UNC13C: variants seen among roughly 807,000 people sequenced by gnomAD.
UNC13C encodes protein unc-13 homolog C.
In UNC13C, 174 loss-of-function variants were observed where a neutral mutation model predicts 245.4. The observed-to-expected ratio is 0.71, with a 90% CI of 0.63 to 0.80. The LOEUF is 0.80. Ranked by LOEUF, UNC13C falls within the 30% of genes least tolerant of loss-of-function variation. The pLI, the probability that UNC13C is intolerant of heterozygous loss-of-function variation, is 0.00. For synonymous variants in UNC13C, 992 were observed against 895.1 expected, an observed-to-expected ratio of 1.11 and a Z score of -1.93; for missense variants, 2,829 against 2,602.9, an observed-to-expected ratio of 1.09 and a Z score of -1.89.
At chr15:54,412,142 G>T (rs2040428041) in intron 18 of UNC13C, among the ~76,000 whole-genome samples, 1 of 151,928 alleles carries the variant, frequency 6.6e-6, no homozygotes, top group Non-Finnish European at 1.5e-5. Context: ...GGAGGTGGAG[G>T]TTGCAGTGAG....
chr15:54,443,665 T>C (rs937147605), intron 19 of UNC13C, among the ~76,000 whole-genome samples: 1 of 152,108 alleles, frequency 6.6e-6, no homozygotes, highest in East Asian at 1.9e-4. Flanking sequence ...ATTGACCCAA[T>C]GATCATTCAG....
In UNC13C at chr15:54,015,522, C is replaced by T. The variant is rs1319469820; in HGVS notation, c.2619C>T (p.Asp873=). The change falls in exon 2 of 33, where the codon GAC becomes GAT. Residue 873 remains aspartate, a synonymous_variant. Coordinates refer to ENST00000260323, the MANE Select transcript of UNC13C (RefSeq NM_001080534.3). Reference sequence around the variant, plus strand: ...AAGATTATACTGAACCAGTGGCTGACAATGAAACAGATTATGTTGAAGTCA... The same window carrying T: ...AAGATTATACTGAACCAGTGGCTGATAATGAAACAGATTATGTTGAAGTCA... The part of the protein sequence containing the change: ...DEEDYTEPVA[D]NETDYVEVME... 1.2e-6 allele frequency: 2 copies of T among 1,612,854 alleles called. No homozygotes were observed. The highest frequency in any genetic ancestry group is 3.3e-5 in the Admixed American group (2 of 59,956).
intron 19 of UNC13C, among the ~76,000 whole-genome samples, chr15:54,465,110 G>A (rs1294364993): frequency 6.6e-6 from 1 of 151,918 alleles, no homozygotes. Context: ...GAATATGCTT[G>A]TGAGGTACCA....
chr15:54,380,849 T>A (rs1222615749), intron 17 of UNC13C, among the ~76,000 whole-genome samples: 1 of 152,166 alleles, frequency 6.6e-6, no homozygotes. Context: ...TCTTACAAAT[T>A]TTGGGTAGTA....
intron 18 of UNC13C, among the ~76,000 whole-genome samples, chr15:54,408,017 C>T (rs372916133): frequency 1.5e-4 from 22 of 151,468 alleles, no homozygotes; most frequent in East Asian, 1.9e-4. Flanking sequence ...CTGGTGAACA[C>T]GGTGAAACTC....
At position 54,063,281 on chromosome 15, in the gene UNC13C, G is replaced by A. The variant is rs569589984; in HGVS notation, c.2983+47395G>A. ...AAGTAAATGAGAGTTTGATTTTAGG[G>A]AAGGGTAGTTCCAAAGCAAGACACA... On this transcript the variant is annotated intron_variant, in intron 2 of 32. Transcript: ENST00000260323. Among the ~76,000 whole-genome samples the A allele has an allele frequency of 5.9e-5, 9 of 152,250 alleles. No individual in the cohort carries two copies. In the East Asian group the frequency reaches 1.7e-3, roughly 29 times the overall value.
At chr15:54,343,077 T>A (rs369647444) in intron 17 of UNC13C, among the ~76,000 whole-genome samples, 6 of 152,194 alleles carry the variant, frequency 3.9e-5, no homozygotes, top group Non-Finnish European at 7.4e-5. Flanking sequence ...TCATTATCTT[T>A]ATTTTACCTA....
intron 10 of UNC13C, among the ~76,000 whole-genome samples, chr15:54,269,627 G>T (rs1194227312): frequency 2.0e-5 from 3 of 152,066 alleles, no homozygotes; most frequent in African/African-American, 4.8e-5. Context: ...GTGACAATTC[G>T]CAGTGCTCAT....
chr15:53,993,390 T>G (rs1231927834), intron 1 of UNC13C, among the ~76,000 whole-genome samples: 1 of 152,052 alleles, frequency 6.6e-6, no homozygotes, highest in Admixed American at 6.6e-5. Context: ...ACCGTGAACC[T>G]CTCTCAGGGA....
chr15:54,111,901 T>C (rs149464744), intron 2 of UNC13C, among the ~76,000 whole-genome samples: 323 of 152,222 alleles, frequency 2.1e-3, no homozygotes, highest in African/African-American at 6.2e-3. Context: ...GTCTTTGATA[T>C]ATAGAAATGG....
chr15:54,469,467 G>A (rs1445813416), intron 19 of UNC13C, among the ~76,000 whole-genome samples: 1 of 151,370 alleles, frequency 6.6e-6, no homozygotes, highest in East Asian at 1.9e-4. Flanking sequence ...TTACCCATCA[G>A]TATTCACATG....
At chr15:54,552,374 A>T (rs1300094179) in intron 28 of UNC13C, among the ~76,000 whole-genome samples, 4 of 106,552 alleles carry the variant, frequency 3.8e-5, no homozygotes, top group African/African-American at 7.3e-5. Flanking sequence ...TATATTATAT[A>T]TTACAGCATA....
chr15:54,340,197 T>C (rs186797648), intron 17 of UNC13C, among the ~76,000 whole-genome samples: 26 of 152,364 alleles, frequency 1.7e-4, no homozygotes, highest in Admixed American at 5.9e-4. Flanking sequence ...CTCTGACAGA[T>C]GTATAGATTG....
At chr15:53,879,961 G>C in the UNC13C span, among the ~76,000 whole-genome samples, 1 of 151,128 alleles carries the variant, frequency 6.6e-6, no homozygotes, top group Non-Finnish European at 1.5e-5. Context: ...GTTTGTGTGT[G>C]TGTGTGTGTG....
chr15:54,031,658 G>A (rs924514047), intron 2 of UNC13C, among the ~76,000 whole-genome samples: 1 of 152,194 alleles, frequency 6.6e-6, no homozygotes, highest in African/African-American at 2.4e-5. Context: ...AAGTGTATGT[G>A]TTTGCCTGTG....
chr15:54,533,818 G>A (rs191264574), intron 26 of UNC13C, among the ~76,000 whole-genome samples: 2 of 152,298 alleles, frequency 1.3e-5, no homozygotes, highest in Admixed American at 1.3e-4. Context: ...TGTGTCCACA[G>A]TTGGGATTGG....
intron 2 of UNC13C, among the ~76,000 whole-genome samples, chr15:54,032,437 T>G (rs1896397720): frequency 6.6e-6 from 1 of 152,168 alleles, no homozygotes; most frequent in Non-Finnish European, 1.5e-5. Context: ...CGTTGATGAG[T>G]GATTGCTCAG....
At chr15:53,973,375 C>A (rs112032131), upstream of UNC13C, among the ~76,000 whole-genome samples, 41 of 152,178 alleles carry the variant, frequency 2.7e-4, no homozygotes, top group African/African-American at 9.9e-4. Flanking sequence ...TGGATTATCT[C>A]ATTTGATTCA....
chr15:54,453,457 A>G (rs992529239), intron 19 of UNC13C, among the ~76,000 whole-genome samples: 2 of 152,232 alleles, frequency 1.3e-5, no homozygotes, highest in Non-Finnish European at 2.9e-5. Context: ...ATCCCTCTTC[A>G]GATGGTTACA....
Sources: gnomAD v4.1 joint callset for allele counts (sites outside exome capture counted in the v4.1 genomes callset) on GRCh38, gnomAD v4.1.1 for gene constraint, MANE v1.5 for transcripts, NCBI Gene and HGNC (gene_info 2026-07-23, HGNC 2026-07-21) for gene names.